KIFAP3: variants seen among roughly 807,000 people sequenced by gnomAD.
KIFAP3 encodes kinesin-associated protein 3.
In KIFAP3, 68 loss-of-function variants were observed where a neutral mutation model predicts 106.5. The observed-to-expected ratio is 0.64, with a 90% CI of 0.53 to 0.78. The LOEUF (loss-of-function observed/expected upper bound fraction) is 0.78. Among genes scored for constraint, KIFAP3 ranks in the 30% least tolerant of loss-of-function variants. The probability of loss-of-function intolerance (pLI) is 0.00; values close to 1 mark genes in which losing one functional copy is unlikely to be tolerated. For missense variants in KIFAP3, 780 were observed against 941.8 expected, an observed-to-expected ratio of 0.83 and a Z score of 2.25; for synonymous variants, 320 against 311.5, an observed-to-expected ratio of 1.03 and a Z score of -0.29.
In KIFAP3 at chr1:170,008,343, T is replaced by G. The variant is rs563913137; in HGVS notation, c.1183+8119A>C. 2.2e-4 allele frequency among the ~76,000 whole-genome samples: 34 copies of G among 151,580 alleles called. 2 individuals carry two copies. In the East Asian group the frequency reaches 4.9e-3, roughly 22 times the overall value. On this transcript the variant is annotated intron_variant, in intron 10 of 19. Transcript: ENST00000361580. ...CAGAGTGAACAGGCAACCTACAGAA[T>G]GGGAGAAAATTTTTGCAATCTATCC...
chr1:170,062,316 C>T (rs1227714924), intron 1 of KIFAP3, among the ~76,000 whole-genome samples: 1 of 149,472 alleles, frequency 6.7e-6, no homozygotes, highest in Non-Finnish European at 1.5e-5. Context: ...TGTTGCTTAA[C>T]ACCTTGATAT....
intron 2 of KIFAP3, among the ~76,000 whole-genome samples, chr1:170,048,539 G>C (rs1670391569): frequency 6.6e-6 from 1 of 151,796 alleles, no homozygotes; most frequent in Non-Finnish European, 1.5e-5. Flanking sequence ...GAGGCATAAG[G>C]AGGGGCCAAG....
chr1:170,077,536 TTAAA>T (rs2102191036), upstream of KIFAP3, among the ~76,000 whole-genome samples: 1 of 152,348 alleles, frequency 6.6e-6, no homozygotes, highest in East Asian at 1.9e-4. Context: ...TTGTGGCAGA[TTAAA>T]TACAGCATGA....
At chr1:169,936,759 G>T (rs1235537855) in intron 19 of KIFAP3, among the ~76,000 whole-genome samples, 2 of 151,050 alleles carry the variant, frequency 1.3e-5, no homozygotes, top group South Asian at 2.1e-4. Context: ...AAAATGAGGG[G>T]GAGTATTATT....
chr1:170,061,420 C>G (rs1671146912), intron 1 of KIFAP3, among the ~76,000 whole-genome samples: 1 of 152,202 alleles, frequency 6.6e-6, no homozygotes, highest in African/African-American at 2.4e-5. Context: ...AAATGCTCAT[C>G]ATCACTGGCC....
intron 8 of KIFAP3, among the ~76,000 whole-genome samples, chr1:170,028,279 C>A (rs1200060013): frequency 6.6e-6 from 1 of 152,002 alleles, no homozygotes; most frequent in African/African-American, 2.4e-5. Flanking sequence ...TTAAATATAT[C>A]TTTAAAATAA....
chr1:170,032,724 G>C (rs1455814881), intron 7 of KIFAP3, among the ~76,000 whole-genome samples: 1 of 151,614 alleles, frequency 6.6e-6, no homozygotes. Context: ...GAAATGACCA[G>C]AATTCTGATG....
intron 16 of KIFAP3, 99 bp from the exon 17 acceptor site, chr1:169,972,697 G>A: frequency 1.3e-5 from 7 of 547,374 alleles, no homozygotes; most frequent in Admixed American, 7.8e-5. Context: ...AATTCTAAAT[G>A]GAAATATAAC....
chr1:169,941,134 C>T (rs1664084807), intron 19 of KIFAP3, among the ~76,000 whole-genome samples: 1 of 152,034 alleles, frequency 6.6e-6, no homozygotes, highest in Admixed American at 6.6e-5. Flanking sequence ...TTTTCACATG[C>T]AAACTATTAT....
intron 15 of KIFAP3, among the ~76,000 whole-genome samples, chr1:169,979,003 C>T (rs1666371610): frequency 6.6e-6 from 1 of 151,950 alleles, no homozygotes; most frequent in South Asian, 2.1e-4. Flanking sequence ...CACTTAATAC[C>T]AATGGTTTTA....
intron 10 of KIFAP3, among the ~76,000 whole-genome samples, chr1:170,003,944 T>C (rs977164796): frequency 6.6e-6 from 1 of 152,114 alleles, no homozygotes; most frequent in Non-Finnish European, 1.5e-5. Context: ...ATGACATGAT[T>C]GTATATCTAG....
chr1:169,998,498 G>A (rs1667500839), intron 10 of KIFAP3, among the ~76,000 whole-genome samples: 1 of 151,390 alleles, frequency 6.6e-6, no homozygotes, highest in Non-Finnish European at 1.5e-5. Flanking sequence ...ACAGAGCTAA[G>A]GGACTATAAT....
At chr1:169,964,148 TCA>T (rs1466100735) in intron 17 of KIFAP3, among the ~76,000 whole-genome samples, 3 of 152,176 alleles carry the variant, frequency 2.0e-5, no homozygotes, top group Admixed American at 6.6e-5. Context: ...CAATCACTGA[TCA>T]CACACAAATT....
intron 10 of KIFAP3, among the ~76,000 whole-genome samples, chr1:169,993,876 CTG>C (rs2101939494): frequency 6.6e-6 from 1 of 152,384 alleles, no homozygotes; most frequent in South Asian, 2.1e-4. Context: ...CAGAGCAAGA[CTG>C]TCTCAAAAAA....
chr1:170,042,384 T>A (rs1374367209), intron 3 of KIFAP3, among the ~76,000 whole-genome samples: 5 of 152,170 alleles, frequency 3.3e-5, no homozygotes. Context: ...GTAAGAATCA[T>A]TTACCAGTCA....
At chr1:170,029,152 C>T (rs1348467990) in intron 8 of KIFAP3, among the ~76,000 whole-genome samples, 5 of 152,120 alleles carry the variant, frequency 3.3e-5, no homozygotes, top group Non-Finnish European at 2.9e-5. Flanking sequence ...AAGAACACTT[C>T]ATACTGATAA....
At chr1:169,952,084 G>A (rs1413024411) in intron 19 of KIFAP3, among the ~76,000 whole-genome samples, 1 of 151,892 alleles carries the variant, frequency 6.6e-6, no homozygotes, top group East Asian at 1.9e-4. Flanking sequence ...GTAATCAAAA[G>A]CCATATGCTT....
chr1:170,045,987 C>T (rs1243416671), intron 3 of KIFAP3, among the ~76,000 whole-genome samples: 1 of 151,948 alleles, frequency 6.6e-6, no homozygotes, highest in African/African-American at 2.4e-5. Flanking sequence ...GCCAACCAGT[C>T]AGAAGACCCT....
At chr1:169,955,053 A>T (rs1664934836) in intron 18 of KIFAP3, among the ~76,000 whole-genome samples, 1 of 152,198 alleles carries the variant, frequency 6.6e-6, no homozygotes, top group Admixed American at 6.5e-5. Flanking sequence ...TAGAACAAAT[A>T]CGTTAGTATA....
Sources: gnomAD v4.1 joint callset for allele counts (sites outside exome capture counted in the v4.1 genomes callset) on GRCh38, gnomAD v4.1.1 for gene constraint, MANE v1.5 for transcripts, NCBI Gene and HGNC (gene_info 2026-07-23, HGNC 2026-07-21) for gene names.